The following SAXO1 variants were observed in gnomAD, a reference collection of about 807,000 sequenced individuals.
SAXO1 encodes the protein stabilizer of axonemal microtubules 1, also known as 4930500O09Rik.
In SAXO1, 21 loss-of-function variants were observed where a neutral mutation model predicts 17.5. The ratio of observed to expected loss-of-function variants is 1.20; its 90% CI spans 0.85 to 1.72. The LOEUF (loss-of-function observed/expected upper bound fraction) is 1.72, where lower values mean the gene tolerates loss of function less well. Ranked by LOEUF, SAXO1 falls within the 40% of genes most tolerant of loss-of-function variation. SAXO1 has a pLI of 0.00. For missense variants in SAXO1, 843 were observed against 596.0 expected (o/e 1.41, Z -4.32); for synonymous variants, 274 against 216.5 (o/e 1.27, Z -2.33).
rs146570728 is a variant in SAXO1, at chr9:18,965,387, G to C, written c.39-14450C>G. Reference sequence around the variant, plus strand: ...CCACTATTATTGTGTGCAAGTCTAAGTCTCTTTGTAGGTCTCCTAGAACTT... The same window carrying C: ...CCACTATTATTGTGTGCAAGTCTAACTCTCTTTGTAGGTCTCCTAGAACTT... On this transcript the variant is annotated intron_variant, in intron 1 of 3. Transcript: ENST00000380534. Among the ~76,000 whole-genome samples, 421 of 152,296 alleles carry C rather than the reference G, an allele frequency of 2.8e-3. 1 individual carries two copies. Among genetic ancestry groups the C allele is most frequent in the African/African-American group, 9.5e-3 (396 of 41,562 alleles).
In SAXO1 at chr9:18,986,862, T is replaced by C. The variant is rs536806201; in HGVS notation, c.39-35925A>G. 4.3e-4 allele frequency among the ~76,000 whole-genome samples: 65 copies of C among 152,318 alleles called. No homozygotes were observed. The Middle Eastern group carries it at 0.014, about 32-fold the overall frequency. ...GTTTTGGGGACAACAGCAAAGGGCA[T>C]TGTTTTAATAAAATCAGCATGACAA... On this transcript the variant is annotated intron_variant, in intron 1 of 3. Transcript: ENST00000380534.
chr9:18,973,880 CAT>C (rs1421699178), intron 1 of SAXO1, among the ~76,000 whole-genome samples: 2 of 152,198 alleles, frequency 1.3e-5, no homozygotes, highest in African/African-American at 4.8e-5. Context: ...TTCATTCATC[CAT>C]ATGACACTCT....
At position 19,032,744 on chromosome 9, in the gene SAXO1, A is replaced by T. The variant is rs992306949; in HGVS notation, c.38+127T>A. ...ACGCTAGTTGACACAATTGTGGCTTAAAAAACGTAGCAAGTGGACGAACCC... is the reference window on the plus strand; with the variant it reads ...ACGCTAGTTGACACAATTGTGGCTTTAAAAACGTAGCAAGTGGACGAACCC... On this transcript the variant is annotated intron_variant, in intron 1 of 3. Transcript: ENST00000380534. 21 of 1,019,972 alleles carry T rather than the reference A, an allele frequency of 2.1e-5. No homozygotes were observed. In the Middle Eastern group the frequency reaches 2.5e-3, roughly 121 times the overall value. 63.2% of individuals were successfully genotyped at this position (1,019,972 alleles called of 1,614,324 possible).
intron 1 of SAXO1, among the ~76,000 whole-genome samples, chr9:18,980,561 A>AGAGGAGGAG (rs1221483483): frequency 3.0e-5 from 4 of 134,298 alleles, no homozygotes; most frequent in East Asian, 2.2e-4. Context: ...AAGAGGAAGA[A>AGAGGAGGAG]GAGGAGGAGG....
At chr9:18,977,720 G>A (rs921104430) in intron 1 of SAXO1, among the ~76,000 whole-genome samples, 5 of 152,084 alleles carry the variant, frequency 3.3e-5, no homozygotes, top group East Asian at 1.9e-4. Flanking sequence ...ACTGCCAGGC[G>A]TGGTGGCTCA....
intron 1 of SAXO1, chr9:19,027,294 G>C: frequency 1.1e-6 from 1 of 873,288 alleles, no homozygotes. Flanking sequence ...AGGAGACCTG[G>C]TGGGTGTGAA....
intron 1 of SAXO1, among the ~76,000 whole-genome samples, chr9:18,990,754 G>A (rs1037217928): frequency 1.3e-5 from 2 of 152,160 alleles, no homozygotes; most frequent in Non-Finnish European, 2.9e-5. Flanking sequence ...AGCATCATAG[G>A]AGTGCAAACC....
At chr9:19,024,588 T>C (rs539920454) in intron 1 of SAXO1, among the ~76,000 whole-genome samples, 3 of 152,058 alleles carry the variant, frequency 2.0e-5, no homozygotes, top group African/African-American at 7.2e-5. Flanking sequence ...AAACTTAAAG[T>C]ATAATAATAA....
chr9:19,026,215 C>G (rs1169732877), intron 1 of SAXO1, among the ~76,000 whole-genome samples: 1 of 151,916 alleles, frequency 6.6e-6, no homozygotes, highest in Non-Finnish European at 1.5e-5. Flanking sequence ...TCACTTGTAC[C>G]CCAGAAATAT....
intron 2 of SAXO1, among the ~76,000 whole-genome samples, chr9:18,944,631 A>T (rs1797927644): frequency 2.6e-5 from 4 of 152,224 alleles, no homozygotes; most frequent in Admixed American, 2.6e-4. Context: ...TAGAGTAGGG[A>T]AGGCCAAGAG....
chr9:18,929,160 T>C, intron 3 of SAXO1, 105 bp from the exon 4 acceptor site: 2 of 1,283,972 alleles, frequency 1.6e-6, no homozygotes, highest in South Asian at 3.0e-5. Flanking sequence ...TGAAGTGTTC[T>C]TTGAGACAAA....
intron 1 of SAXO1, among the ~76,000 whole-genome samples, chr9:19,048,808 T>A (rs1305972098): frequency 6.6e-6 from 1 of 152,258 alleles, no homozygotes; most frequent in Non-Finnish European, 1.5e-5. Context: ...TATCATTTCC[T>A]CGAGCTTTGG....
intron 1 of SAXO1, among the ~76,000 whole-genome samples, chr9:19,040,496 T>A (rs1836052625): frequency 6.6e-6 from 1 of 151,832 alleles, no homozygotes; most frequent in African/African-American, 2.4e-5. Flanking sequence ...TACAAAAAAT[T>A]AGCCAAGCAT....
intron 3 of SAXO1, among the ~76,000 whole-genome samples, chr9:18,937,355 G>C (rs1300738047): frequency 1.3e-5 from 2 of 152,172 alleles, no homozygotes; most frequent in Non-Finnish European, 2.9e-5. Flanking sequence ...CAATGGTTCA[G>C]AACCATTCAT....
At chr9:18,964,331 G>A (rs982093136) in intron 1 of SAXO1, among the ~76,000 whole-genome samples, 4 of 152,156 alleles carry the variant, frequency 2.6e-5, no homozygotes, top group African/African-American at 9.7e-5. Context: ...GTTTGGAATA[G>A]TTTCAGAAGG....
At chr9:18,946,316 T>G (rs1831795539) in intron 2 of SAXO1, among the ~76,000 whole-genome samples, 1 of 140,992 alleles carries the variant, frequency 7.1e-6, no homozygotes, top group Non-Finnish European at 1.5e-5. Context: ...GAGGACCAAG[T>G]TTGAAGCAAC....
chr9:18,954,540 C>G (rs1832171864), intron 1 of SAXO1, among the ~76,000 whole-genome samples: 2 of 152,022 alleles, frequency 1.3e-5, no homozygotes, highest in Admixed American at 6.6e-5. Flanking sequence ...TTTCACCATG[C>G]TTCCCAAGCT....
At chr9:19,012,513 C>T (rs550413939) in intron 1 of SAXO1, among the ~76,000 whole-genome samples, 3 of 152,282 alleles carry the variant, frequency 2.0e-5, no homozygotes, top group Middle Eastern at 3.4e-3. Context: ...CAATGTGGCA[C>T]GAACCATATG....
intron 3 of SAXO1, among the ~76,000 whole-genome samples, chr9:18,936,871 T>C (rs1415526244): frequency 6.6e-6 from 1 of 152,240 alleles, no homozygotes. Flanking sequence ...AAGCATATTT[T>C]ATTGGTGGTT....
Sources: allele counts gnomAD v4.1 joint callset (sites outside exome capture counted in the v4.1 genomes callset), GRCh38; gene constraint gnomAD v4.1.1; transcripts MANE v1.5; gene names NCBI Gene and HGNC (gene_info 2026-07-23, HGNC 2026-07-21).